Variants in SLX4 observed in about 807,000 individuals in gnomAD.
The protein encoded by SLX4 is SLX4 structure-specific endonuclease subunit.
SLX4 carries 112 observed loss-of-function variants against 146.2 expected under a neutral mutation model. That is an observed-to-expected ratio of 0.77 (90% CI 0.66 to 0.90). SLX4 has a LOEUF of 0.90. Ranked by LOEUF, SLX4 falls within the 40% of genes least tolerant of loss-of-function variation. The probability of loss-of-function intolerance (pLI) is 0.00; values close to 1 mark genes in which losing one functional copy is unlikely to be tolerated. For synonymous variants in SLX4, 1,061 were observed against 997.7 expected (o/e 1.06, Z -1.20); for missense variants, 2,563 against 2,392.7 (o/e 1.07, Z -1.49).
At chr16:3,592,964 T>C (rs2151127404) in intron 10 of SLX4, 99 bp from the exon 11 acceptor site, 4 of 1,279,802 alleles carry the variant, frequency 3.1e-6, no homozygotes, top group Non-Finnish European at 3.2e-6. Flanking sequence ...CTAGTCTTTT[T>C]ATTTTTCTTT....
Position 3,594,579 on chromosome 16 carries a change from A to G in SLX4, c.2034T>C (p.Val678=). Residue 678 remains valine, a synonymous_variant, in exon 10 of 15, where the codon GTT becomes GTC. Transcript: ENST00000294008. ...GRTLLSLGLL[V]ADFGAMVNNP... ...TATTGACCATGGCGCCAAAGTCAGC[A>G]ACCAGCAGCCCGAGGGAGAGCTGAA... The G allele has an allele frequency of 6.2e-7, 1 of 1,614,098 alleles. No individual in the cohort carries two copies. The highest frequency in any genetic ancestry group is 1.1e-5 in the South Asian group (1 of 91,078).
Position 3,583,453 on chromosome 16 carries a change from G to A in SLX4, c.4797C>T (p.Phe1599=), listed in dbSNP as rs1159059195. The part of the protein sequence containing the change: ...RQMVLKLKEI[F]QYTHQTLDSD... ...AGTCCAGGGTCTGGTGAGTGTACTG[G>A]AATATCTCCTTCAGCTTCAGAACCA... Residue 1599 remains phenylalanine, a synonymous_variant, in exon 14 of 15, where the codon TTC becomes TTT. Transcript: ENST00000294008. The A allele has an allele frequency of 5.6e-6, 9 of 1,614,056 alleles. No individual in the cohort carries two copies. Among genetic ancestry groups the A allele is most frequent in the Non-Finnish European group, 7.6e-6 (9 of 1,180,056 alleles).
chr16:3,602,784 C>T (rs143272313), intron 3 of SLX4, among the ~76,000 whole-genome samples: 1 of 152,314 alleles, frequency 6.6e-6, no homozygotes, highest in East Asian at 1.9e-4. Flanking sequence ...CCTTTTACTG[C>T]CCATGATAAA....
At chr16:3,603,819 AATCTACT>A (rs2040754582) in intron 3 of SLX4, among the ~76,000 whole-genome samples, 1 of 152,190 alleles carries the variant, frequency 6.6e-6, no homozygotes, top group Non-Finnish European at 1.5e-5. Context: ...ATGAGCCTCT[AATCTACT>A]CAGAGTGGGG....
intron 11 of SLX4, 40 bp downstream of exon 11, chr16:3,592,659 C>A: frequency 6.3e-7 from 1 of 1,598,660 alleles, no homozygotes; most frequent in Non-Finnish European, 8.5e-7. Flanking sequence ...ACCTGCCAGT[C>A]CTCGTCAGTT....
rs760594129 is a variant in SLX4 at position 3,597,720 on chromosome 16, A to G, written c.1367-25T>C. ...TCTAGAGAGAAACAAAAGCGACACC[A>G]TCAACGGTGGAGTCGGTCCACTCAC... On this transcript the variant is annotated intron_variant, in intron 6 of 14. Coordinates refer to ENST00000294008, the MANE Select transcript of SLX4 (RefSeq NM_032444.4). This position sits in a 1 kb window ranked among gnomAD's most constrained non-coding sequence, Gnocchi z 4.4. 6.2e-7 allele frequency: 1 copy of G among 1,614,030 alleles called. No homozygotes were observed. The highest frequency in any genetic ancestry group is 8.5e-7 in the Non-Finnish European group (1 of 1,180,004).
chr16:3,594,655 GGC>G, intron 9 of SLX4, 56 bp from the exon 10 acceptor site: 1 of 1,611,594 alleles, frequency 6.2e-7, no homozygotes, highest in Non-Finnish European at 8.5e-7. Flanking sequence ...CTGCTAACTG[GGC>G]AGTGGGAAGC....
Position 3,609,345 on chromosome 16 carries a change from T to C in SLX4, c.-381A>G, listed in dbSNP as rs375326827. The C allele has an allele frequency of 2.0e-3, 477 of 232,962 alleles. No individual in the cohort carries two copies. Among genetic ancestry groups the C allele is most frequent in the Non-Finnish European group, 3.2e-3 (367 of 114,332 alleles). 14.4% of individuals were successfully genotyped at this position (232,962 alleles called of 1,614,324 possible). A position where few individuals can be genotyped will look rare whatever the true frequency, so the allele number is the denominator to read the frequency against. On this transcript the variant is annotated 5_prime_UTR_variant, in exon 2 of 15. Coordinates refer to ENST00000294008, the MANE Select transcript of SLX4 (RefSeq NM_032444.4). ...ATCGCTTGAACCTGGGAGGCGGAGA[T>C]TGCAGTGAGCCGAGATCGTGCCACT... is the stretch of plus-strand genomic sequence containing the variant.
intron 5 of SLX4, among the ~76,000 whole-genome samples, chr16:3,598,918 C>T (rs555022927): frequency 3.9e-5 from 6 of 152,270 alleles, no homozygotes; most frequent in Admixed American, 3.3e-4. Flanking sequence ...GCACTCTGGC[C>T]GGGGCATGCG....
chr16:3,595,802 G>A (rs970123345), intron 8 of SLX4, 109 bp from the exon 9 acceptor site: 3 of 1,280,434 alleles, frequency 2.3e-6, no homozygotes, highest in Admixed American at 1.9e-5. Context: ...GCCTCGGAAG[G>A]TGCTTGCTAT....
In SLX4 at chr16:3,591,289, A is replaced by G. The variant is rs1229447712; in HGVS notation, c.2349T>C (p.Val783=). Residue 783 remains valine, a synonymous_variant, in exon 12 of 15, where the codon GTT becomes GTC. Coordinates refer to ENST00000294008, the MANE Select transcript of SLX4 (RefSeq NM_032444.4). The part of the protein sequence containing the change: ...LAHRFGVSEL[V]HLCEQVPIAT... ...CAATAGGCACCTGTTCGCACAGGTGAACGAGCTCACTCACGCCAAACCTGC... is the reference window on the plus strand; with the variant it reads ...CAATAGGCACCTGTTCGCACAGGTGGACGAGCTCACTCACGCCAAACCTGC... The G allele has an allele frequency of 1.9e-6, 3 of 1,611,644 alleles. No individual in the cohort carries two copies. The African/African-American group carries it at 4.0e-5, about 22-fold the overall frequency.
At position 3,600,978 on chromosome 16, in the gene SLX4, C is replaced by A; in HGVS notation, c.1163+1G>T. 6.2e-7 allele frequency: 1 copy of A among 1,613,462 alleles called. No individual in the cohort carries two copies. Among genetic ancestry groups the A allele is most frequent in the Non-Finnish European group, 8.5e-7 (1 of 1,179,994 alleles). On this transcript the variant is annotated splice_donor_variant, in intron 5 of 14. Coordinates refer to ENST00000294008, the MANE Select transcript of SLX4 (RefSeq NM_032444.4). LOFTEE classifies it high-confidence loss of function. ...GGTTTTCTTCCTTTTCGTCGACTTA[C>A]CTGAACATGGGTGGGCTGCTGCTAC...
At chr16:3,585,337 AGCACTTTGGGAGGCCGAGGTGG>A (rs2040495304) in intron 12 of SLX4, among the ~76,000 whole-genome samples, 1 of 152,160 alleles carries the variant, frequency 6.6e-6, no homozygotes, top group South Asian at 2.1e-4. Context: ...CTGTAATCCC[AGCACTTTGGGAGGCCGAGGTGG>A]GCGGATCACG....
chr16:3,604,361 C>T (rs2040760797), intron 3 of SLX4, among the ~76,000 whole-genome samples: 1 of 151,822 alleles, frequency 6.6e-6, no homozygotes. Context: ...AAAAAAGAAA[C>T]CAGCTACAAA....
At chr16:3,603,031 C>T (rs1422963860) in intron 3 of SLX4, among the ~76,000 whole-genome samples, 1 of 152,180 alleles carries the variant, frequency 6.6e-6, no homozygotes, top group Non-Finnish European at 1.5e-5. Context: ...AACAGCACAC[C>T]TTCATTTTGG....
In SLX4 at chr16:3,590,616, T is replaced by C. The variant is rs757644394; in HGVS notation, c.3022A>G (p.Ser1008Gly). 6.2e-7 allele frequency: 1 copy of C among 1,614,086 alleles called. No homozygotes were observed. Among genetic ancestry groups the C allele is most frequent in the South Asian group, 1.1e-5 (1 of 91,092 alleles). Residue 1008 changes from serine to glycine, a missense_variant, in exon 12 of 15, where the codon AGT (serine) becomes GGT (glycine). Ser to Gly is a moderately conservative substitution (Grantham distance 56, BLOSUM62 0). Coordinates refer to ENST00000294008, the MANE Select transcript of SLX4 (RefSeq NM_032444.4). The surrounding 1 kb of genome is among the most constrained non-coding windows in gnomAD (Gnocchi z 4.8). ...SQITSEPEEQ[S>G]GAVRERGLEV... ...AGCCCCCTTTCCCTGACAGCGCCAC[T>C]TTGTTCCTCGGGCTCACTTGTTATT...
chr16:3,583,892 C>A (rs1379608515), intron 13 of SLX4, among the ~76,000 whole-genome samples: 1 of 151,958 alleles, frequency 6.6e-6, no homozygotes, highest in African/African-American at 2.4e-5. Context: ...GTCCCAGCTA[C>A]TAGGGAGGAT....
intron 3 of SLX4, among the ~76,000 whole-genome samples, chr16:3,605,192 C>T (rs1016589534): frequency 6.6e-6 from 1 of 152,044 alleles, no homozygotes; most frequent in African/African-American, 2.4e-5. Context: ...CAGGTTCACG[C>T]CATTCTCCTG....
Position 3,609,100 on chromosome 16 carries a change from C to T in SLX4, c.-136G>A, listed in dbSNP as rs2040819657. On this transcript the variant is annotated 5_prime_UTR_variant, in exon 2 of 15. Coordinates refer to ENST00000294008, the MANE Select transcript of SLX4 (RefSeq NM_032444.4). The stretch of plus-strand genomic sequence containing the variant: ...TGTGGTTAAACATGTTTAAAGCTTC[C>T]CTCTGTTAAAGTCCACAACTGGGCC... 23 of 1,142,546 alleles carry T rather than the reference C, an allele frequency of 2.0e-5. No individual in the cohort carries two copies. The East Asian group carries it at 5.8e-4, about 29-fold the overall frequency. The allele number at this position is 1,142,546 out of a possible 1,614,324, so 70.8% of individuals were successfully genotyped here. A position where few individuals can be genotyped will look rare whatever the true frequency, so the allele number is the denominator to read the frequency against.
Sources: gnomAD v4.1 joint callset for allele counts (sites outside exome capture counted in the v4.1 genomes callset) on GRCh38, gnomAD v4.1.1 for gene constraint, Gnocchi (gnomAD v3.1) non-coding constraint, MANE v1.5 for transcripts, NCBI Gene and HGNC (gene_info 2026-07-23, HGNC 2026-07-21) for gene names.